Variants in SNX29 observed in about 807,000 individuals in gnomAD.
SNX29 encodes sorting nexin-29.
A neutral mutation model predicts 102.1 loss-of-function variants in SNX29; 78 were observed. The ratio of observed to expected loss-of-function variants is 0.76; its 90% CI spans 0.64 to 0.92. The LOEUF (loss-of-function observed/expected upper bound fraction) is 0.92, where lower values mean the gene tolerates loss of function less well. SNX29 is among the 40% of genes least tolerant of loss of function. The probability of loss-of-function intolerance (pLI) is 0.00; values close to 1 mark genes in which losing one functional copy is unlikely to be tolerated. For synonymous variants in SNX29, 580 were observed against 414.5 expected (o/e 1.40, Z -4.85); for missense variants, 1,280 against 1,061.7 (o/e 1.21, Z -2.86).
intron 16 of SNX29, among the ~76,000 whole-genome samples, chr16:12,372,231 G>A (rs1442686530): frequency 6.6e-6 from 1 of 152,178 alleles, no homozygotes; most frequent in Non-Finnish European, 1.5e-5. Flanking sequence ...GCATTCTTCA[G>A]TCATGAATAT....
At chr16:12,334,179 A>G (rs1378995037) in intron 15 of SNX29, among the ~76,000 whole-genome samples, 2 of 152,194 alleles carry the variant, frequency 1.3e-5, no homozygotes, top group Non-Finnish European at 2.9e-5. Flanking sequence ...GCAAAATGAC[A>G]AATGTTGGTT....
intron 18 of SNX29, among the ~76,000 whole-genome samples, chr16:12,473,990 C>G (rs2087477104): frequency 6.6e-6 from 1 of 152,280 alleles, no homozygotes; most frequent in East Asian, 1.9e-4. Context: ...AATCAACTTG[C>G]TTTCATTTTA....
intron 20 of SNX29, among the ~76,000 whole-genome samples, chr16:12,533,462 CCCCCATCCCCAGCAGTGGGGTT>C (rs1203063656): frequency 6.6e-6 from 1 of 152,206 alleles, no homozygotes; most frequent in Non-Finnish European, 1.5e-5. Flanking sequence ...CACCTCCCCA[CCCCCATCCCCAGCAGTGGGGTT>C]CCTGGACAGA....
chr16:12,308,469 C>A (rs1326836579), intron 15 of SNX29, among the ~76,000 whole-genome samples: 1 of 152,172 alleles, frequency 6.6e-6, no homozygotes, highest in Non-Finnish European at 1.5e-5. Flanking sequence ...ACTTCTGGGG[C>A]CCTCTGCAGA....
At chr16:12,458,388 C>A (rs1384898226) in intron 18 of SNX29, among the ~76,000 whole-genome samples, 1 of 152,174 alleles carries the variant, frequency 6.6e-6, no homozygotes, top group Non-Finnish European at 1.5e-5. Flanking sequence ...TGCCTGGTTG[C>A]AGAGGAGGAA....
chr16:12,321,006 C>T (rs898358855), intron 15 of SNX29, among the ~76,000 whole-genome samples: 1 of 152,196 alleles, frequency 6.6e-6, no homozygotes, highest in African/African-American at 2.4e-5. Flanking sequence ...GGCGATAAGG[C>T]CTGAGCACAA....
intron 15 of SNX29, among the ~76,000 whole-genome samples, chr16:12,296,674 T>C (rs1567409674): frequency 6.6e-6 from 1 of 151,650 alleles, no homozygotes; most frequent in South Asian, 2.1e-4. Context: ...CTTCTCCTAC[T>C]TAGTGATGGT....
intron 15 of SNX29, among the ~76,000 whole-genome samples, chr16:12,351,794 C>A (rs1186745479): frequency 6.6e-6 from 1 of 152,040 alleles, no homozygotes; most frequent in Non-Finnish European, 1.5e-5. Context: ...TGGTGCTTTC[C>A]CCCATCTTTT....
At chr16:12,297,640 T>C (rs2080026765) in intron 15 of SNX29, among the ~76,000 whole-genome samples, 1 of 152,188 alleles carries the variant, frequency 6.6e-6, no homozygotes, top group African/African-American at 2.4e-5. Flanking sequence ...GATGTGTTAA[T>C]TTAATTGCAT....
chr16:12,357,047 T>C (rs1401053059), intron 16 of SNX29, among the ~76,000 whole-genome samples: 5 of 152,272 alleles, frequency 3.3e-5, no homozygotes, highest in Non-Finnish European at 7.3e-5. Flanking sequence ...ACATTTAGGA[T>C]GTCTCCAGTA....
intron 15 of SNX29, among the ~76,000 whole-genome samples, chr16:12,311,232 C>G (rs538921937): frequency 3.5e-4 from 53 of 152,204 alleles, no homozygotes; most frequent in Admixed American, 1.6e-3. Context: ...AAACTTCTTT[C>G]TAACCTTTCA....
intron 18 of SNX29, among the ~76,000 whole-genome samples, chr16:12,452,905 G>A (rs1189364730): frequency 1.3e-5 from 2 of 152,174 alleles, no homozygotes; most frequent in African/African-American, 4.8e-5. Context: ...CATTTCTTTT[G>A]TTATTTCTGA....
intron 20 of SNX29, among the ~76,000 whole-genome samples, chr16:12,539,492 AATAAAGTT>A (rs1201554839): frequency 1.3e-5 from 2 of 152,226 alleles, no homozygotes; most frequent in Non-Finnish European, 1.5e-5. Context: ...GTCATAAAGG[AATAAAGTT>A]GCGTTGGTTC....
rs547259369 is a variant in SNX29 at position 12,247,659 on chromosome 16, G to T, written c.1679-30274G>T. ...TTCGTAGTGGCATGACCCAGTGGAG[G>T]ATTTCAATGTGGTTTAGTTTATTTT... On this transcript the variant is annotated intron_variant, in intron 14 of 20. Coordinates refer to ENST00000566228, the MANE Select transcript of SNX29 (RefSeq NM_032167.5). Among the ~76,000 whole-genome samples the T allele has an allele frequency of 2.3e-3, 344 of 152,320 alleles. 1 individual carries two copies. Among genetic ancestry groups the T allele is most frequent in the Middle Eastern group, 6.8e-3 (2 of 294 alleles).
At chr16:12,147,409 C>G (rs747001938) in intron 13 of SNX29, among the ~76,000 whole-genome samples, 2 of 152,170 alleles carry the variant, frequency 1.3e-5, no homozygotes. Context: ...AATTATTCAC[C>G]GGGGAGGGAA....
At chr16:12,529,965 G>A (rs1169636918) in intron 20 of SNX29, among the ~76,000 whole-genome samples, 3 of 152,318 alleles carry the variant, frequency 2.0e-5, no homozygotes, top group Middle Eastern at 3.4e-3. Context: ...GTGATGCCAT[G>A]CAAGAGATCT....
At chr16:12,350,108 T>A (rs758333187) in intron 15 of SNX29, among the ~76,000 whole-genome samples, 1 of 152,192 alleles carries the variant, frequency 6.6e-6, no homozygotes, top group African/African-American at 2.4e-5. Context: ...GTCACTGTCA[T>A]AGAGTCACTT....
chr16:12,206,137 T>C (rs542188379), intron 14 of SNX29, among the ~76,000 whole-genome samples: 1 of 152,326 alleles, frequency 6.6e-6, no homozygotes, highest in African/African-American at 2.4e-5. Context: ...ACGATTATCA[T>C]GTGACCTTGA....
Position 12,573,827 on chromosome 16 carries a change from T to G in SNX29, c.*5198T>G, listed in dbSNP as rs750542911. 3.2e-5 allele frequency: 7 copies of G among 216,036 alleles called. No individual in the cohort carries two copies. Among genetic ancestry groups the G allele is most frequent in the Non-Finnish European group, 5.6e-5 (6 of 107,386 alleles). 13.4% of individuals were successfully genotyped at this position (216,036 alleles called of 1,614,324 possible). On this transcript the variant is annotated 3_prime_UTR_variant, in exon 21 of 21. Coordinates refer to ENST00000566228, the MANE Select transcript of SNX29 (RefSeq NM_032167.5). ...ATGGGGGTAGAGCTAATTGGAATTT[T>G]TATTATCCAGGACTCATCCTAAGAA... is the stretch of plus-strand genomic sequence containing the variant.
Sources: gnomAD v4.1 joint callset for allele counts (sites outside exome capture counted in the v4.1 genomes callset) on GRCh38, gnomAD v4.1.1 for gene constraint, MANE v1.5 for transcripts, NCBI Gene and HGNC (gene_info 2026-07-23, HGNC 2026-07-21) for gene names.